Variants in TLL1 observed in about 807,000 individuals in gnomAD.
The protein encoded by TLL1 is tolloid like 1.
Under a neutral mutation model 128.2 loss-of-function variants are expected in TLL1, and 49 were observed. That is an observed-to-expected ratio of 0.38 (90% CI 0.30 to 0.48). The LOEUF (loss-of-function observed/expected upper bound fraction) is 0.48. Among genes scored for constraint, TLL1 ranks in the 20% least tolerant of loss-of-function variants. The pLI is 0.96. For synonymous variants in TLL1, 454 were observed against 418.8 expected (o/e 1.08, Z -1.03); for missense variants, 1,123 against 1,242.0 (o/e 0.90, Z 1.44).
At chr4:166,076,515 T>G in intron 17 of TLL1, among the ~76,000 whole-genome samples, 1 of 152,208 alleles carries the variant, frequency 6.6e-6, no homozygotes, top group East Asian at 1.9e-4. Context: ...GGAAACTTCA[T>G]AATAGATAAA....
intron 1 of TLL1, among the ~76,000 whole-genome samples, chr4:165,903,229 T>A (rs1275548573): frequency 2.6e-5 from 4 of 151,776 alleles, no homozygotes; most frequent in African/African-American, 9.7e-5. Flanking sequence ...TCTCAGCTAC[T>A]CAGGAGGCTG....
At chr4:166,069,865 G>T (rs373037260) in intron 16 of TLL1, among the ~76,000 whole-genome samples, 1 of 151,712 alleles carries the variant, frequency 6.6e-6, no homozygotes, top group East Asian at 1.9e-4. Context: ...TAATTTATAA[G>T]CTGCTCTATA....
At chr4:166,004,086 T>A (rs1332428131) in intron 6 of TLL1, among the ~76,000 whole-genome samples, 1 of 152,148 alleles carries the variant, frequency 6.6e-6, no homozygotes, top group Non-Finnish European at 1.5e-5. Context: ...TAAACTTGAC[T>A]ACCCTAAAGA....
chr4:165,913,315 C>T (rs142564432), intron 1 of TLL1, among the ~76,000 whole-genome samples: 334 of 152,194 alleles, frequency 2.2e-3, no homozygotes, highest in African/African-American at 7.8e-3. Flanking sequence ...TGAATGTTGT[C>T]TGATTTTATT....
At chr4:165,968,422 G>A (rs1735489532) in intron 1 of TLL1, among the ~76,000 whole-genome samples, 1 of 152,084 alleles carries the variant, frequency 6.6e-6, no homozygotes, top group African/African-American at 2.4e-5. Context: ...TCTTATCCCT[G>A]ATTCCTAATT....
At chr4:165,984,605 C>A (rs767142758) in intron 1 of TLL1, among the ~76,000 whole-genome samples, 1 of 151,896 alleles carries the variant, frequency 6.6e-6, no homozygotes. Flanking sequence ...AAGCAGAAAG[C>A]TTAAACTGTA....
At position 166,101,236 on chromosome 4, in the gene TLL1, T is replaced by G; in HGVS notation, c.*360T>G. 1 of 292,830 alleles carries G rather than the reference T, an allele frequency of 3.4e-6. No individual in the cohort carries two copies. The highest frequency in any genetic ancestry group is 3.5e-5 in the South Asian group (1 of 28,762). 18.1% of individuals were successfully genotyped at this position (292,830 alleles called of 1,614,324 possible). A position where few individuals can be genotyped will look rare whatever the true frequency, so the allele number is the denominator to read the frequency against. ...GTTCTTTTTGACAATTTGTCAAGAT[T>G]TAGGGACATAAAATGATCTTGCAGG... On this transcript the variant is annotated 3_prime_UTR_variant, in exon 21 of 21. Transcript: ENST00000061240.
In TLL1 at chr4:166,099,311, A is replaced by G; in HGVS notation, c.2691A>G (p.Pro897=). The change falls in exon 20 of 21, where the codon CCA becomes CCG. Residue 897 remains proline (P), a synonymous_variant. Transcript: ENST00000061240. The part of the protein sequence containing the change: ...CGGRLKAESK[P]RDLYSHAQFG... ...GACGATTGAAAGCAGAATCAAAACCAAGAGATCTGTACTCACATGCTCAGT... is the reference window on the plus strand; with the variant it reads ...GACGATTGAAAGCAGAATCAAAACCGAGAGATCTGTACTCACATGCTCAGT... 4 of 1,613,552 alleles carry G rather than the reference A, an allele frequency of 2.5e-6. No individual in the cohort carries two copies. The highest frequency in any genetic ancestry group is 3.4e-6 in the Non-Finnish European group (4 of 1,179,634).
chr4:165,922,062 T>G (rs1485241309), intron 1 of TLL1, among the ~76,000 whole-genome samples: 1 of 152,168 alleles, frequency 6.6e-6, no homozygotes, highest in African/African-American at 2.4e-5. Context: ...AGGATTGCTC[T>G]AGCTTTTCAG....
chr4:166,042,548 C>A (rs1286594966), intron 11 of TLL1, among the ~76,000 whole-genome samples: 1 of 152,122 alleles, frequency 6.6e-6, no homozygotes, highest in African/African-American at 2.4e-5. Context: ...GTGCCGATTT[C>A]TGAGGCATGC....
chr4:165,963,594 ATAAAT>A (rs1735226322), intron 1 of TLL1, among the ~76,000 whole-genome samples: 1 of 152,220 alleles, frequency 6.6e-6, no homozygotes, highest in African/African-American at 2.4e-5. Flanking sequence ...TTGAAGAATA[ATAAAT>A]TAACAAGAAA....
At chr4:166,022,307 T>G (rs551644712) in intron 8 of TLL1, among the ~76,000 whole-genome samples, 33 of 152,076 alleles carry the variant, frequency 2.2e-4, no homozygotes, top group African/African-American at 7.5e-4. Context: ...GGATTAAAAG[T>G]GCCTGCCGCC....
At position 166,075,653 on chromosome 4, in the gene TLL1, C is replaced by T. The variant is rs72697389; in HGVS notation, c.2314+650C>T. On this transcript the variant is annotated intron_variant, in intron 17 of 20. Coordinates refer to ENST00000061240, the MANE Select transcript of TLL1 (RefSeq NM_012464.5). Reference sequence around the variant, plus strand: ...TGGATGAGAACAATAAATAGTTATTCAGCTCTTATTTCTTCCTTTGACAGT... The same window carrying T: ...TGGATGAGAACAATAAATAGTTATTTAGCTCTTATTTCTTCCTTTGACAGT... Among the ~76,000 whole-genome samples the T allele has an allele frequency of 2.1e-3, 313 of 152,262 alleles. 1 individual carries two copies. The highest frequency in any genetic ancestry group is 3.3e-3 in the Non-Finnish European group (224 of 67,996).
chr4:165,965,689 C>T (rs927519128), intron 1 of TLL1, among the ~76,000 whole-genome samples: 2 of 152,170 alleles, frequency 1.3e-5, no homozygotes, highest in African/African-American at 4.8e-5. Context: ...TTTCCAATAA[C>T]GTTCACATTG....
Position 166,025,399 on chromosome 4 carries a change from A to C in TLL1, c.1126A>C (p.Ile376Leu). The C allele has an allele frequency of 6.2e-7, 1 of 1,613,830 alleles. No homozygotes were observed. Among genetic ancestry groups the C allele is most frequent in the Non-Finnish European group, 8.5e-7 (1 of 1,179,792 alleles). Residue 376 changes from isoleucine (I) to leucine (L), a missense_variant, in exon 9 of 21, where the codon ATC (isoleucine) becomes CTC (leucine). By Grantham distance (5) the Ile-to-Leu change is conservative. Around this residue, in one of 3 missense-constraint regions of TLL1, gnomAD observed 480 missense variants for 542.4 expected, o/e 0.89. Coordinates refer to ENST00000061240, the MANE Select transcript of TLL1 (RefSeq NM_012464.5). Reference protein sequence around the residue: ...PNGYPSYTHCIWRVSVTPGEK... With the variant: ...PNGYPSYTHCLWRVSVTPGEK... ...TGGCTACCCTTCTTACACACACTGC[A>C]TCTGGAGAGTTTCTGTGACCCCAGG... is the stretch of plus-strand genomic sequence containing the variant.
intron 8 of TLL1, among the ~76,000 whole-genome samples, chr4:166,022,041 A>G (rs1738265504): frequency 1.3e-5 from 2 of 152,202 alleles, no homozygotes; most frequent in Admixed American, 6.5e-5. Flanking sequence ...ATAATTTTAA[A>G]CCAAAATTGT....
chr4:165,962,811 A>G (rs1335096410), intron 1 of TLL1, among the ~76,000 whole-genome samples: 2 of 152,054 alleles, frequency 1.3e-5, no homozygotes, highest in Non-Finnish European at 2.9e-5. Context: ...ACACAGGAAC[A>G]GAAAACCAAA....
intron 12 of TLL1, among the ~76,000 whole-genome samples, chr4:166,048,256 A>G (rs1483115115): frequency 6.6e-6 from 1 of 150,632 alleles, no homozygotes; most frequent in Non-Finnish European, 1.5e-5. Flanking sequence ...AAAAAAAAAA[A>G]AGGCCTAGGG....
chr4:166,059,211 A>C (rs1740171712), intron 14 of TLL1, among the ~76,000 whole-genome samples: 5 of 138,924 alleles, frequency 3.6e-5, no homozygotes, highest in Admixed American at 2.2e-4. Context: ...ATGTGTATAC[A>C]CACACACACA....
Sources: allele counts gnomAD v4.1 joint callset (sites outside exome capture counted in the v4.1 genomes callset), GRCh38; gene constraint gnomAD v4.1.1; regional missense constraint gnomAD v4.1.1; transcripts MANE v1.5; gene names NCBI Gene and HGNC (gene_info 2026-07-23, HGNC 2026-07-21).